The following BRF1 variants were observed in gnomAD, a reference collection of about 807,000 sequenced individuals.
BRF1 encodes the protein BRF1 general transcription factor IIIB subunit.
Under a neutral mutation model 81.7 loss-of-function variants are expected in BRF1, and 59 were observed. The ratio of observed to expected loss-of-function variants is 0.72; its 90% confidence interval spans 0.59 to 0.90. BRF1 has a LOEUF of 0.90. BRF1 is among the 40% of genes least tolerant of loss of function. BRF1 has a pLI of 0.00. For missense variants in BRF1, 1,050 were observed against 936.3 expected, an observed-to-expected ratio of 1.12 and a Z score of -1.58; for synonymous variants, 491 against 395.6, an observed-to-expected ratio of 1.24 and a Z score of -2.86.
At chr14:105,311,762 C>CAAG (rs1422578592) in intron 1 of BRF1, among the ~76,000 whole-genome samples, 1 of 152,226 alleles carries the variant, frequency 6.6e-6, no homozygotes, top group African/African-American at 2.4e-5. Context: ...TCTTAGAGCT[C>CAAG]TTGGCCATCC....
At chr14:105,256,688 G>T (rs946989979) in intron 3 of BRF1, 139 bp from the exon 4 acceptor site, 81 of 1,371,180 alleles carry the variant, frequency 5.9e-5, no homozygotes, top group Non-Finnish European at 2.0e-6. Flanking sequence ...CTTTGATCAG[G>T]AAGGAAAGGT....
chr14:105,217,009 C>G (rs1041435972), intron 15 of BRF1, among the ~76,000 whole-genome samples: 1 of 152,196 alleles, frequency 6.6e-6, no homozygotes, highest in African/African-American at 2.4e-5. Flanking sequence ...GCACAGAGGC[C>G]GACCCACTCC....
intron 1 of BRF1, among the ~76,000 whole-genome samples, chr14:105,308,739 C>T (rs368906221): frequency 6.6e-6 from 1 of 152,108 alleles, no homozygotes; most frequent in Non-Finnish European, 1.5e-5. Flanking sequence ...CCTCAGCCCC[C>T]CAAAGTGCTG....
chr14:105,243,581 G>A (rs1357655807), intron 5 of BRF1, among the ~76,000 whole-genome samples: 1 of 150,966 alleles, frequency 6.6e-6, no homozygotes, highest in Non-Finnish European at 1.5e-5. Flanking sequence ...TTGCACCACT[G>A]TACTCAGGCC....
At chr14:105,219,969 G>T (rs1439708262) in intron 12 of BRF1, 100 bp downstream of exon 12, 2 of 1,362,438 alleles carry the variant, frequency 1.5e-6, no homozygotes, top group East Asian at 4.7e-5. Flanking sequence ...GTGGGCTCTG[G>T]GCAGGGGAGG....
chr14:105,300,440 A>G lies in BRF1; in HGVS notation c.184+6T>C. 1 of 1,518,370 alleles carries G rather than the reference A, an allele frequency of 6.6e-7. No homozygotes were observed. The highest frequency in any genetic ancestry group is 8.8e-7 in the Non-Finnish European group (1 of 1,139,252). 94.1% of individuals were successfully genotyped at this position (1,518,370 alleles called of 1,614,324 possible). On this transcript the variant is annotated splice_donor_region_variant and intron_variant, in intron 1 of 17. Transcript: ENST00000547530. ...AATCCGCGCAGCGCCAGCCCGCGGG[A>G]CTCACCGTCCAGGGACACGAACTGG...
intron 5 of BRF1, chr14:105,242,295 A>C (rs750777820): frequency 2.0e-5 from 3 of 152,160 alleles, no homozygotes; most frequent in Non-Finnish European, 4.4e-5. Context: ...ACAACTAAAG[A>C]TAAAAACCAA....
At chr14:105,241,130 G>A in intron 6 of BRF1, 135 bp downstream of exon 6, 2 of 1,413,704 alleles carry the variant, frequency 1.4e-6, no homozygotes, top group Non-Finnish European at 1.9e-6. Flanking sequence ...CCAGGCCAGA[G>A]TCAGCCCCGG....
intron 15 of BRF1, chr14:105,217,338 G>A (rs984110963): frequency 2.4e-5 from 19 of 777,730 alleles, no homozygotes; most frequent in Admixed American, 8.8e-5. Flanking sequence ...CCGCCCGTCC[G>A]CTCACAGCCT....
Position 105,271,089 on chromosome 14 carries a change from T to TGAAA in BRF1, c.439+1628_439+1631dup, listed in dbSNP as rs1487416216. 1.3e-5 allele frequency among the ~76,000 whole-genome samples: 2 copies of TGAAA among 151,940 alleles called. No individual in the cohort carries two copies. The highest frequency in any genetic ancestry group is 1.3e-4 in the Admixed American group (2 of 15,260). On this transcript the variant is annotated intron_variant, in intron 3 of 17. Transcript: ENST00000547530. The surrounding 1 kb of genome is among the most constrained non-coding windows in gnomAD (Gnocchi z 5.5). ...CCAGAGCTCTTAGAGATGAAAAACATGAAAGAAATGAAACAGCCTGCTGGA... is the reference window on the plus strand; with the variant it reads ...CCAGAGCTCTTAGAGATGAAAAACATGAAAGAAAGAAATGAAACAGCCTGCTGGA...
At chr14:105,298,355 G>A (rs141977651) in intron 1 of BRF1, among the ~76,000 whole-genome samples, 24 of 152,326 alleles carry the variant, frequency 1.6e-4, no homozygotes, top group Admixed American at 1.1e-3. Context: ...GTAAAAAAGC[G>A]TGTGATGCTG....
At chr14:105,306,866 A>T (rs920158558) in intron 1 of BRF1, among the ~76,000 whole-genome samples, 1 of 152,006 alleles carries the variant, frequency 6.6e-6, no homozygotes, top group Admixed American at 6.6e-5. Context: ...TTGGCCTCCC[A>T]AAGTGCTGGG....
chr14:105,305,932 G>A (rs1478576017), upstream of BRF1, among the ~76,000 whole-genome samples: 2 of 152,250 alleles, frequency 1.3e-5, no homozygotes, highest in Non-Finnish European at 2.9e-5. Context: ...CGCTGGAAAC[G>A]TGCAGTGATC....
chr14:105,283,511 G>T (rs1211806310), intron 2 of BRF1, among the ~76,000 whole-genome samples: 1 of 152,184 alleles, frequency 6.6e-6, no homozygotes, highest in East Asian at 1.9e-4. Context: ...GGGGCCTCCT[G>T]GGCCTGCAGG....
intron 15 of BRF1, among the ~76,000 whole-genome samples, chr14:105,216,244 TCACCAGG>T (rs1383377721): frequency 6.6e-6 from 1 of 152,180 alleles, no homozygotes; most frequent in Non-Finnish European, 1.5e-5. Flanking sequence ...GTGAACCCTG[TCACCAGG>T]CACCAGAATC....
At chr14:105,211,823 A>G (rs1225422995) in intron 16 of BRF1, 2 of 504,300 alleles carry the variant, frequency 4.0e-6, no homozygotes, top group Non-Finnish European at 7.2e-6. Context: ...CTTCCTACAT[A>G]CAGGCTCCCT....
chr14:105,292,851 T>C (rs1429095930), intron 1 of BRF1, among the ~76,000 whole-genome samples: 4 of 151,548 alleles, frequency 2.6e-5, no homozygotes, highest in Non-Finnish European at 5.9e-5. Context: ...CCCACACCCC[T>C]TCCCCAGGCC....
At chr14:105,265,880 G>A (rs953134599) in intron 3 of BRF1, among the ~76,000 whole-genome samples, 6 of 131,636 alleles carry the variant, frequency 4.6e-5, no homozygotes, top group African/African-American at 5.9e-5. Context: ...CAGCCTGGGC[G>A]ACAGAGCAAG....
chr14:105,245,705 G>A (rs894787084), intron 5 of BRF1, among the ~76,000 whole-genome samples: 12 of 152,054 alleles, frequency 7.9e-5, no homozygotes, highest in African/African-American at 2.9e-4. Flanking sequence ...ATGCAGCGCT[G>A]GGAAAACTGG....
Sources: allele counts gnomAD v4.1 joint callset (sites outside exome capture counted in the v4.1 genomes callset), GRCh38; gene constraint gnomAD v4.1.1; non-coding constraint Gnocchi (gnomAD v3.1); transcripts MANE v1.5; gene names NCBI Gene and HGNC (gene_info 2026-07-23, HGNC 2026-07-21).